The following THSD7B variants were observed in gnomAD, a reference collection of about 807,000 sequenced individuals.
The protein encoded by THSD7B is thrombospondin type-1 domain-containing protein 7B.
In THSD7B, 138 loss-of-function variants were observed where a neutral mutation model predicts 213.6. The observed-to-expected ratio is 0.65, with a 90% CI of 0.56 to 0.74. THSD7B has a LOEUF of 0.74. Among genes scored for constraint, THSD7B ranks in the 30% least tolerant of loss-of-function variants. THSD7B has a pLI of 0.00. For synonymous variants in THSD7B, 742 were observed against 687.0 expected (o/e 1.08, Z -1.25); for missense variants, 1,931 against 1,991.5 (o/e 0.97, Z 0.58).
Position 137,013,402 on chromosome 2 carries a change from A to G in THSD7B, c.140-43018A>G, listed in dbSNP as rs1273226205. On this transcript the variant is annotated intron_variant, in intron 2 of 27. Coordinates refer to ENST00000409968, the MANE Select transcript of THSD7B (RefSeq NM_001316349.2). ...CAGGTAGACCCAGGCAAACTTCATG[A>G]GTTGAGAATAAAGAGCTGAGACTCT... Among the ~76,000 whole-genome samples the G allele has an allele frequency of 2.6e-5, 4 of 152,148 alleles. 1 individual carries two copies. Among genetic ancestry groups the G allele is most frequent in the Middle Eastern group, 6.3e-3 (2 of 316 alleles).
intron 7 of THSD7B, among the ~76,000 whole-genome samples, chr2:137,186,894 T>A (rs552246127): frequency 1.4e-4 from 22 of 152,188 alleles, no homozygotes; most frequent in Admixed American, 8.5e-4. Context: ...CAGCAGTGTT[T>A]TGTAGTTCTT....
chr2:137,089,078 C>T (rs1038818370), intron 3 of THSD7B, among the ~76,000 whole-genome samples: 2 of 152,012 alleles, frequency 1.3e-5, no homozygotes, highest in African/African-American at 2.4e-5. Flanking sequence ...CCTTAAAGAA[C>T]TAAAAGTAGA....
intron 2 of THSD7B, among the ~76,000 whole-genome samples, chr2:136,919,886 C>T (rs1489465393): frequency 2.0e-5 from 3 of 152,240 alleles, no homozygotes; most frequent in Non-Finnish European, 2.9e-5. Context: ...TAGGGACCGG[C>T]TCTGTGAGGC....
chr2:137,663,063 TAAA>T (rs60772441), intron 25 of THSD7B, among the ~76,000 whole-genome samples: 2 of 122,606 alleles, frequency 1.6e-5, no homozygotes, highest in Admixed American at 8.3e-5. Flanking sequence ...AAACTCCATC[TAAA>T]AAAAAAAAAA....
At chr2:136,998,958 A>ACC (rs1258377086) in intron 2 of THSD7B, among the ~76,000 whole-genome samples, 10 of 129,852 alleles carry the variant, frequency 7.7e-5, no homozygotes, top group African/African-American at 2.0e-4. Context: ...ACACACACAC[A>ACC]CCCCTGCTTT....
intron 12 of THSD7B, among the ~76,000 whole-genome samples, chr2:137,318,073 T>C (rs879677794): frequency 6.6e-6 from 1 of 152,192 alleles, no homozygotes; most frequent in Admixed American, 6.5e-5. Flanking sequence ...ATTTTTTGCA[T>C]TATATTAACA....
At chr2:136,907,830 G>GT (rs1684190160) in intron 2 of THSD7B, among the ~76,000 whole-genome samples, 1 of 152,154 alleles carries the variant, frequency 6.6e-6, no homozygotes, top group Admixed American at 6.6e-5. Context: ...AGAGGTTTGT[G>GT]TTTTTTCTTC....
At chr2:137,561,651 A>G (rs1558840321) in intron 15 of THSD7B, among the ~76,000 whole-genome samples, 1 of 152,072 alleles carries the variant, frequency 6.6e-6, no homozygotes, top group Non-Finnish European at 1.5e-5. Context: ...TCAATTTCTT[A>G]GTATGTTTGG....
chr2:137,072,465 C>T (rs1384307879), intron 3 of THSD7B, among the ~76,000 whole-genome samples: 6 of 152,072 alleles, frequency 3.9e-5, no homozygotes, highest in Non-Finnish European at 4.4e-5. Context: ...TATCCTGAGA[C>T]TTTGCTGAAG....
intron 26 of THSD7B, among the ~76,000 whole-genome samples, chr2:137,665,275 A>C (rs78192291): frequency 0.025 from 3,838 of 152,282 alleles, 138 homozygotes; most frequent in African/African-American, 0.086. Context: ...ATGAGTCTTC[A>C]AATCCACAAG....
At chr2:137,596,114 G>A (rs1401909176) in intron 17 of THSD7B, among the ~76,000 whole-genome samples, 7 of 152,068 alleles carry the variant, frequency 4.6e-5, no homozygotes, top group Non-Finnish European at 7.4e-5. Context: ...AAGAAGGACA[G>A]CTGGTAAAAG....
intron 2 of THSD7B, among the ~76,000 whole-genome samples, chr2:136,884,678 A>G (rs1683686671): frequency 6.6e-6 from 1 of 152,222 alleles, no homozygotes; most frequent in Non-Finnish European, 1.5e-5. Flanking sequence ...TGCTTTCTGC[A>G]ACTATCTTTG....
intron 18 of THSD7B, among the ~76,000 whole-genome samples, chr2:137,617,129 G>A (rs144738623): frequency 4.6e-5 from 7 of 152,134 alleles, no homozygotes; most frequent in East Asian, 3.8e-4. Flanking sequence ...GATTGTCTTC[G>A]TGGGTAAAGA....
intron 26 of THSD7B, among the ~76,000 whole-genome samples, chr2:137,664,814 C>G (rs77251801): frequency 0.016 from 2,383 of 152,292 alleles, 60 homozygotes; most frequent in African/African-American, 0.053. Flanking sequence ...ATCAGACATA[C>G]TTCTTTCGGA....
chr2:136,960,081 G>A (rs1685191080), intron 2 of THSD7B, among the ~76,000 whole-genome samples: 1 of 152,074 alleles, frequency 6.6e-6, no homozygotes. Context: ...GAACTTTCTT[G>A]TAATGGATTC....
At chr2:137,496,022 G>GTCTT (rs112638060) in intron 15 of THSD7B, among the ~76,000 whole-genome samples, 140,475 of 151,990 alleles carry the variant, frequency 0.92, 65,589 homozygotes, top group East Asian at 1. Flanking sequence ...AATTATTGGG[G>GTCTT]TATCTGTTTT....
intron 2 of THSD7B, among the ~76,000 whole-genome samples, chr2:136,966,838 A>G (rs918700962): frequency 6.6e-6 from 1 of 152,084 alleles, no homozygotes; most frequent in Admixed American, 6.5e-5. Context: ...TAAGTCCTAT[A>G]CATGTTCCAA....
chr2:137,662,477 C>G (rs1031047221), intron 25 of THSD7B, among the ~76,000 whole-genome samples: 1 of 152,010 alleles, frequency 6.6e-6, no homozygotes, highest in African/African-American at 2.4e-5. Flanking sequence ...GCCTAACCAT[C>G]ACCTGATGGT....
At chr2:137,597,054 A>G (rs1053687399) in intron 17 of THSD7B, among the ~76,000 whole-genome samples, 2 of 152,130 alleles carry the variant, frequency 1.3e-5, no homozygotes, top group African/African-American at 4.8e-5. Flanking sequence ...TAGCATTATT[A>G]GTAGCCTAGG....
Sources: allele counts gnomAD v4.1 joint callset (sites outside exome capture counted in the v4.1 genomes callset), GRCh38; gene constraint gnomAD v4.1.1; transcripts MANE v1.5; gene names NCBI Gene and HGNC (gene_info 2026-07-23, HGNC 2026-07-21).